The following DLGAP4 variants were observed in gnomAD, a reference collection of about 807,000 sequenced individuals.
The protein encoded by DLGAP4 is DLG associated protein 4, also known as disks large-associated protein 4.
In DLGAP4, 18 loss-of-function variants were observed where a neutral mutation model predicts 86.9. That is an observed-to-expected ratio of 0.21 (90% confidence interval 0.14 to 0.31). The LOEUF (loss-of-function observed/expected upper bound fraction) is 0.31. DLGAP4 is among the 10% of genes least tolerant of loss of function. The pLI is 1.00. For missense variants in DLGAP4, 1,085 were observed against 1,362.6 expected (o/e 0.80, Z 3.21); for synonymous variants, 548 against 574.3 (o/e 0.95, Z 0.65).
chr20:36,513,408 C>T (rs577186647), intron 10 of DLGAP4, among the ~76,000 whole-genome samples: 40 of 150,296 alleles, frequency 2.7e-4, no homozygotes, highest in South Asian at 8.4e-4. Context: ...ATTAGCCGGG[C>T]GCGGTGGCGG....
intron 7 of DLGAP4, chr20:36,461,260 C>G (rs1425636494): frequency 1.3e-4 from 1 of 7,424 alleles, no homozygotes; most frequent in African/African-American, 2.0e-3. Flanking sequence ...CGCTCCTTTC[C>G]TGGGCCGGCC....
chr20:36,431,600 G>A lies in DLGAP4; in HGVS notation c.-72-46G>A, dbSNP rs556680509. ...TCTGACCTTCCCGGCACCCCTCCCC[G>A]ACAATCCAGCTGACCAGCTGACCGC... On this transcript the variant is annotated intron_variant, in intron 2 of 12. Transcript: ENST00000339266. This position sits in a 1 kb window ranked among gnomAD's most constrained non-coding sequence, Gnocchi z 5.1. The A allele has an allele frequency of 1.0e-4, 125 of 1,225,964 alleles. No individual in the cohort carries two copies. Among genetic ancestry groups the A allele is most frequent in the Non-Finnish European group, 1.2e-4 (105 of 901,836 alleles). 75.9% of individuals were successfully genotyped at this position (1,225,964 alleles called of 1,614,324 possible). A position where few individuals can be genotyped will look rare whatever the true frequency, so the allele number is the denominator to read the frequency against.
chr20:36,469,532 C>A (rs562567560), intron 7 of DLGAP4, among the ~76,000 whole-genome samples: 2 of 152,182 alleles, frequency 1.3e-5, no homozygotes, highest in Non-Finnish European at 2.9e-5. Flanking sequence ...GCGGGCGGAT[C>A]ACCTGAGGTC....
chr20:36,360,802 A>C (rs1307610791), intron 1 of DLGAP4, among the ~76,000 whole-genome samples: 1 of 151,606 alleles, frequency 6.6e-6, no homozygotes, highest in East Asian at 1.9e-4. Context: ...GGTGATGCCT[A>C]CTTTTCTAGC....
chr20:36,461,189 G>C (rs749717631), intron 7 of DLGAP4: 6 of 152,234 alleles, frequency 3.9e-5, no homozygotes, highest in Non-Finnish European at 8.8e-5. Context: ...GGCGGTTCGA[G>C]GGGCGGCGAC....
chr20:36,485,389 G>A (rs947067726), intron 7 of DLGAP4, among the ~76,000 whole-genome samples: 22 of 151,324 alleles, frequency 1.5e-4, no homozygotes, highest in African/African-American at 5.3e-4. Flanking sequence ...AATTTGAAAT[G>A]TATATTTTAA....
chr20:36,396,375 CCCCACATACACACAT>C (rs2031964487), intron 2 of DLGAP4, among the ~76,000 whole-genome samples: 6 of 3,544 alleles, frequency 1.7e-3, no homozygotes, highest in African/African-American at 3.0e-3. Context: ...CATACACACA[CCCCACATACACACAT>C]GCCACATACA....
chr20:36,500,824 T>C lies in DLGAP4; in HGVS notation c.2512+213T>C, dbSNP rs1273260240. Among the ~76,000 whole-genome samples, 1 of 152,202 alleles carries C rather than the reference T, an allele frequency of 6.6e-6. No individual in the cohort carries two copies. The highest frequency in any genetic ancestry group is 2.4e-5 in the African/African-American group (1 of 41,450). ...TCCAGAAAGGGTTGCTGGTGATAGC[T>C]GTTTGTTGTGCAGGCTGTGAGGCCA... On this transcript the variant is annotated intron_variant, in intron 10 of 12. Transcript: ENST00000339266. This position sits in a 1 kb window ranked among gnomAD's most constrained non-coding sequence, Gnocchi z 4.6.
At chr20:36,511,833 C>A (rs1287247877) in intron 10 of DLGAP4, among the ~76,000 whole-genome samples, 2 of 149,510 alleles carry the variant, frequency 1.3e-5, no homozygotes, top group Admixed American at 1.3e-4. Context: ...CGAGATCATG[C>A]CACCGCGCTC....
At chr20:36,503,267 C>T (rs928217557) in intron 10 of DLGAP4, among the ~76,000 whole-genome samples, 1 of 152,060 alleles carries the variant, frequency 6.6e-6, no homozygotes, top group African/African-American at 2.4e-5. Flanking sequence ...TTTTAAAGTA[C>T]ACATTTAGTA....
intron 2 of DLGAP4, among the ~76,000 whole-genome samples, chr20:36,386,796 G>A (rs958728704): frequency 2.3e-4 from 35 of 152,142 alleles, no homozygotes; most frequent in African/African-American, 8.0e-4. Flanking sequence ...GTGTTGCCAG[G>A]GCTGGTCTCA....
intron 2 of DLGAP4, among the ~76,000 whole-genome samples, chr20:36,428,757 T>C (rs766937478): frequency 6.6e-6 from 1 of 152,240 alleles, no homozygotes; most frequent in Admixed American, 6.5e-5. Flanking sequence ...CTTTGTCTCA[T>C]AGGATGTTCT....
At chr20:36,341,472 T>TATGC (rs2147374484) in intron 1 of DLGAP4, among the ~76,000 whole-genome samples, 1 of 152,348 alleles carries the variant, frequency 6.6e-6, no homozygotes, top group East Asian at 1.9e-4. Context: ...CACTCACTGA[T>TATGC]ATGCACCGTG....
chr20:36,326,595 T>G (rs1458230434), intron 1 of DLGAP4, among the ~76,000 whole-genome samples: 38 of 152,196 alleles, frequency 2.5e-4, no homozygotes, highest in Non-Finnish European at 2.9e-4. Context: ...GGTCATTATC[T>G]TTTAGAGATA....
chr20:36,527,092 C>G lies in DLGAP4; in HGVS notation c.*61C>G, dbSNP rs528781779. 1.2e-4 allele frequency: 171 copies of G among 1,474,612 alleles called. No individual in the cohort carries two copies. In the East Asian group the frequency reaches 3.7e-3, roughly 32 times the overall value. 91.3% of individuals were successfully genotyped at this position (1,474,612 alleles called of 1,614,324 possible). A position where few individuals can be genotyped will look rare whatever the true frequency, so the allele number is the denominator to read the frequency against. On this transcript the variant is annotated 3_prime_UTR_variant, in exon 13 of 13. Transcript: ENST00000339266. ...TAAAAACACAAAAACTAAGTGCGAACGGAACAGAGTTTTCTCAACCTTTGC... is the reference window on the plus strand; with the variant it reads ...TAAAAACACAAAAACTAAGTGCGAAGGGAACAGAGTTTTCTCAACCTTTGC...
intron 2 of DLGAP4, among the ~76,000 whole-genome samples, chr20:36,398,313 A>G (rs1313354120): frequency 6.6e-6 from 1 of 152,176 alleles, no homozygotes; most frequent in Non-Finnish European, 1.5e-5. Flanking sequence ...TACTACTTAA[A>G]GATGTAAGTG....
At chr20:36,374,031 T>TG (rs1385302566) in intron 2 of DLGAP4, among the ~76,000 whole-genome samples, 1 of 32,002 alleles carries the variant, frequency 3.1e-5, no homozygotes, top group Non-Finnish European at 5.4e-5. Context: ...TGAGACTGTC[T>TG]CAAAAAAAAA....
At chr20:36,365,976 G>A (rs1339641398) in intron 1 of DLGAP4, among the ~76,000 whole-genome samples, 1 of 152,214 alleles carries the variant, frequency 6.6e-6, no homozygotes, top group South Asian at 2.1e-4. Context: ...TGTAAAATTG[G>A]AGGGGAGAGG....
chr20:36,526,246 C>T (rs2037750595), intron 12 of DLGAP4: 12 of 628,872 alleles, frequency 1.9e-5, no homozygotes, highest in Middle Eastern at 4.3e-4. Context: ...AAAAGGGGAT[C>T]CTGGGAGAGG....
Sources: allele counts gnomAD v4.1 joint callset (sites outside exome capture counted in the v4.1 genomes callset), GRCh38; gene constraint gnomAD v4.1.1; non-coding constraint Gnocchi (gnomAD v3.1); transcripts MANE v1.5; gene names NCBI Gene and HGNC (gene_info 2026-07-23, HGNC 2026-07-21).